COL4A1: variants seen among roughly 807,000 people sequenced by gnomAD.
COL4A1 encodes collagen alpha-1(IV) chain.
Under a neutral mutation model 216.6 loss-of-function variants are expected in COL4A1, and 40 were observed. The observed-to-expected ratio is 0.18, with a 90% confidence interval of 0.14 to 0.24. The LOEUF (loss-of-function observed/expected upper bound fraction) is 0.24. COL4A1 is among the 10% of genes least tolerant of loss of function. COL4A1 has a pLI of 1.00. For missense variants in COL4A1, 1,628 were observed against 2,196.8 expected (o/e 0.74, Z 5.18); for synonymous variants, 839 against 810.7 (o/e 1.03, Z -0.59).
intron 21 of COL4A1, among the ~76,000 whole-genome samples, chr13:110,197,027 C>T (rs1044563936): frequency 4.6e-5 from 7 of 152,198 alleles, no homozygotes; most frequent in Non-Finnish European, 1.0e-4. Flanking sequence ...TCAGCTAACA[C>T]ATCCCATTCA....
chr13:110,247,799 G>A (rs1881889294), intron 1 of COL4A1, among the ~76,000 whole-genome samples: 1 of 122,372 alleles, frequency 8.2e-6, no homozygotes, highest in African/African-American at 3.1e-5. Flanking sequence ...TCGTGTGTGT[G>A]TGTGTGTGTG....
chr13:110,219,793 T>C (rs1880326171), intron 2 of COL4A1, among the ~76,000 whole-genome samples: 1 of 143,464 alleles, frequency 7.0e-6, no homozygotes, highest in African/African-American at 2.6e-5. Context: ...TATATATGTG[T>C]ATATATGTAT....
chr13:110,176,589 C>T lies in COL4A1; in HGVS notation c.2968+37G>A, dbSNP rs779167364. The T allele has an allele frequency of 2.5e-6, 4 of 1,593,870 alleles. No homozygotes were observed. The African/African-American group carries it at 5.4e-5, about 21-fold the overall frequency. On this transcript the variant is annotated intron_variant, in intron 35 of 51. Coordinates refer to ENST00000375820, the MANE Select transcript of COL4A1 (RefSeq NM_001845.6). Reference sequence around the variant, plus strand: ...TGGGGAACACAGGCCTCATCCTGAGCCCTTGCCACACTGGGGACCGGAGCT... The same window carrying T: ...TGGGGAACACAGGCCTCATCCTGAGTCCTTGCCACACTGGGGACCGGAGCT...
intron 1 of COL4A1, among the ~76,000 whole-genome samples, chr13:110,243,445 G>A (rs542800727): frequency 6.6e-6 from 1 of 152,118 alleles, no homozygotes; most frequent in South Asian, 2.1e-4. Flanking sequence ...AGCATCCCAA[G>A]TAGCTGGTAA....
intron 21 of COL4A1, among the ~76,000 whole-genome samples, chr13:110,197,430 G>T (rs1878957363): frequency 6.6e-6 from 1 of 152,048 alleles, no homozygotes; most frequent in South Asian, 2.1e-4. Context: ...GAACCCAAAG[G>T]CCCCTTGGTC....
intron 1 of COL4A1, among the ~76,000 whole-genome samples, chr13:110,297,023 C>G (rs919076627): frequency 1.3e-5 from 2 of 152,192 alleles, no homozygotes; most frequent in Middle Eastern, 3.2e-3. Context: ...TTCAGCCATC[C>G]TGAAGCTCCT....
chr13:110,182,909 G>T, intron 28 of COL4A1, 84 bp downstream of exon 28: 1 of 1,285,696 alleles, frequency 7.8e-7, no homozygotes, highest in Non-Finnish European at 1.1e-6. Context: ...ACCAGCTTCT[G>T]TGGTGTTTTG....
At chr13:110,198,113 G>GTA (rs1878992185) in intron 21 of COL4A1, among the ~76,000 whole-genome samples, 1 of 150,872 alleles carries the variant, frequency 6.6e-6, no homozygotes, top group Admixed American at 6.6e-5. Context: ...GTGTGTGTGT[G>GTA]TGTGTCCTAG....
chr13:110,189,025 A>T (rs554658385), intron 24 of COL4A1, among the ~76,000 whole-genome samples: 1 of 152,162 alleles, frequency 6.6e-6, no homozygotes, highest in Non-Finnish European at 1.5e-5. Context: ...CATTACAGTG[A>T]CTACATTTGT....
intron 1 of COL4A1, among the ~76,000 whole-genome samples, chr13:110,271,435 G>A (rs1883241273): frequency 6.6e-6 from 1 of 152,214 alleles, no homozygotes. Context: ...AGGCATTGGG[G>A]AAACTGGCAT....
chr13:110,219,675 T>TATGTATATAC (rs1880287588), intron 2 of COL4A1, among the ~76,000 whole-genome samples: 1 of 79,382 alleles, frequency 1.3e-5, no homozygotes, highest in Non-Finnish European at 2.8e-5. Context: ...TATATATATA[T>TATGTATATAC]ATGTGTATAT....
At chr13:110,254,728 G>A (rs1445101863) in intron 1 of COL4A1, among the ~76,000 whole-genome samples, 2 of 152,108 alleles carry the variant, frequency 1.3e-5, no homozygotes, top group Non-Finnish European at 2.9e-5. Context: ...TTCCAGTGGA[G>A]ATTTGGAATG....
chr13:110,216,993 C>T (rs1190784602), intron 2 of COL4A1, among the ~76,000 whole-genome samples: 1 of 152,158 alleles, frequency 6.6e-6, no homozygotes, highest in Non-Finnish European at 1.5e-5. Flanking sequence ...TGTGTATCCC[C>T]AGAGCTTTGA....
chr13:110,257,893 A>G (rs1282170798), intron 1 of COL4A1, among the ~76,000 whole-genome samples: 1 of 152,286 alleles, frequency 6.6e-6, no homozygotes, highest in African/African-American at 2.4e-5. Flanking sequence ...GCAGCCTTAA[A>G]CCATTCATAA....
At chr13:110,250,405 C>T (rs576115307) in intron 1 of COL4A1, among the ~76,000 whole-genome samples, 99 of 152,240 alleles carry the variant, frequency 6.5e-4, no homozygotes, top group Non-Finnish European at 2.1e-4. Flanking sequence ...GTTTTCTTGG[C>T]TTCTCTTAGG....
At chr13:110,186,627 C>T in intron 25 of COL4A1, 74 bp from the exon 26 acceptor site, 1 of 1,565,110 alleles carries the variant, frequency 6.4e-7, no homozygotes, top group Non-Finnish European at 8.7e-7. Flanking sequence ...ATTCTTCTGA[C>T]ATTTGTGGTC....
At chr13:110,227,451 A>G (rs1250141232) in intron 2 of COL4A1, among the ~76,000 whole-genome samples, 2 of 149,550 alleles carry the variant, frequency 1.3e-5, no homozygotes, top group Non-Finnish European at 1.5e-5. Context: ...CAGAATCAGA[A>G]AGAGAGAGAG....
At chr13:110,289,230 C>T (rs1382602564) in intron 1 of COL4A1, among the ~76,000 whole-genome samples, 1 of 152,176 alleles carries the variant, frequency 6.6e-6, no homozygotes, top group Non-Finnish European at 1.5e-5. Context: ...GTCTGAATGG[C>T]CCCGCACCTA....
intron 18 of COL4A1, 104 bp from the exon 19 acceptor site, chr13:110,201,626 A>C (rs762511253): frequency 9.6e-7 from 1 of 1,042,480 alleles, no homozygotes; most frequent in Non-Finnish European, 1.5e-6. Context: ...TTTTTATTTC[A>C]AGAAATATGA....
Sources: gnomAD v4.1 joint callset for allele counts (sites outside exome capture counted in the v4.1 genomes callset) on GRCh38, gnomAD v4.1.1 for gene constraint, MANE v1.5 for transcripts, NCBI Gene and HGNC (gene_info 2026-07-23, HGNC 2026-07-21) for gene names.